Variants in ABLIM1 observed in about 807,000 individuals in gnomAD.
ABLIM1 encodes actin-binding LIM protein 1.
In ABLIM1, 40 loss-of-function variants were observed where a neutral mutation model predicts 107.0. That is an observed-to-expected ratio of 0.37 (90% CI 0.29 to 0.49). The LOEUF is 0.49. ABLIM1 is among the 20% of genes least tolerant of loss of function. The pLI is 0.97. For synonymous variants in ABLIM1, 357 were observed against 357.3 expected, an observed-to-expected ratio of 1.00 and a Z score of 0.01; for missense variants, 857 against 1,008.5, an observed-to-expected ratio of 0.85 and a Z score of 2.04.
At chr10:114,647,355 T>TA (rs1342631235) in intron 1 of ABLIM1, among the ~76,000 whole-genome samples, 1 of 152,026 alleles carries the variant, frequency 6.6e-6, no homozygotes, top group African/African-American at 2.4e-5. Flanking sequence ...CAAGTGAAGA[T>TA]AGAGTCTGTG....
chr10:114,519,909 T>C (rs1212285178), intron 6 of ABLIM1, among the ~76,000 whole-genome samples: 1 of 152,160 alleles, frequency 6.6e-6, no homozygotes, highest in Non-Finnish European at 1.5e-5. Flanking sequence ...CAAACCTGGG[T>C]GAAACTGGAT....
intron 2 of ABLIM1, among the ~76,000 whole-genome samples, chr10:114,585,590 G>A (rs1791687895): frequency 6.6e-6 from 1 of 151,950 alleles, no homozygotes; most frequent in African/African-American, 2.4e-5. Flanking sequence ...GCTCTACTTT[G>A]CCAAATGCTT....
chr10:114,621,852 G>A (rs1333687), intron 1 of ABLIM1, among the ~76,000 whole-genome samples: 2,997 of 152,308 alleles, frequency 0.02, 100 homozygotes, highest in African/African-American at 0.067. Flanking sequence ...GAAGCCCTTC[G>A]CTATGGCTCA....
At chr10:114,607,933 A>G (rs1191475383) in intron 1 of ABLIM1, among the ~76,000 whole-genome samples, 2 of 152,276 alleles carry the variant, frequency 1.3e-5, no homozygotes, top group Non-Finnish European at 2.9e-5. Flanking sequence ...CAGTGTGCCA[A>G]TACGGTCCAG....
chr10:114,649,168 C>T (rs1365257482), intron 1 of ABLIM1, among the ~76,000 whole-genome samples: 3 of 151,898 alleles, frequency 2.0e-5, no homozygotes, highest in African/African-American at 4.8e-5. Flanking sequence ...GAGGCCGAGG[C>T]GGGCAGGTCA....
rs543806607 is a variant in ABLIM1, at chr10:114,456,054, T to C, written c.1442-2571A>G. 7.9e-5 allele frequency among the ~76,000 whole-genome samples: 12 copies of C among 152,242 alleles called. No homozygotes were observed. The South Asian group carries it at 1.9e-3, about 24-fold the overall frequency. On this transcript the variant is annotated intron_variant, in intron 12 of 22. Coordinates refer to ENST00000533213, the MANE Select transcript of ABLIM1 (RefSeq NM_002313.7). ...TGGTCTCAATCTCCTGACCTCGTGA[T>C]CCACCCGCCTCGGCCTCCCAAAGTG...
Position 114,629,031 on chromosome 10 carries a change from C to T in ABLIM1, c.245-27070G>A, listed in dbSNP as rs534548480. On this transcript the variant is annotated intron_variant, in intron 1 of 22. Coordinates refer to ENST00000533213, the MANE Select transcript of ABLIM1 (RefSeq NM_002313.7). This position sits in a 1 kb window ranked among gnomAD's most constrained non-coding sequence, Gnocchi z 4.0. ...ACCCTTGAAGACATAAGAGAAATAA[C>T]CATTTCATCAAGATTCCGGAATCAA... is the stretch of plus-strand genomic sequence containing the variant. Among the ~76,000 whole-genome samples the T allele has an allele frequency of 1.3e-5, 2 of 152,202 alleles. No homozygotes were observed. The highest frequency in any genetic ancestry group is 4.2e-4 in the South Asian group (2 of 4,814).
chr10:114,673,268 A>AAC (rs2080335966), intron 1 of ABLIM1, among the ~76,000 whole-genome samples: 2 of 151,994 alleles, frequency 1.3e-5, no homozygotes, highest in African/African-American at 4.8e-5. Flanking sequence ...AAAAAAAAAA[A>AAC]AACAAAAAAA....
In ABLIM1 at chr10:114,436,141, T is replaced by G. The variant is rs1272913339; in HGVS notation, c.*119A>C. On this transcript the variant is annotated 3_prime_UTR_variant, in exon 23 of 23. Transcript: ENST00000533213. ...GTGTTTTAACCAGACTTTCTCTTTT[T>G]GGTGTTGCTGAGCGACGGTAGTTTG... is the stretch of plus-strand genomic sequence containing the variant. 4.2e-6 allele frequency: 3 copies of G among 706,688 alleles called. No homozygotes were observed. The highest frequency in any genetic ancestry group is 7.2e-6 in the Non-Finnish European group (3 of 415,614). 43.8% of individuals were successfully genotyped at this position (706,688 alleles called of 1,614,324 possible).
chr10:114,441,019 C>T lies in ABLIM1; in HGVS notation c.2057G>A (p.Arg686Gln), dbSNP rs999708160. The T allele has an allele frequency of 8.8e-6, 14 of 1,587,028 alleles. No individual in the cohort carries two copies. Among genetic ancestry groups the T allele is most frequent in the Admixed American group, 3.5e-5 (2 of 56,426 alleles). ...CAGCCTGGCCATGGGAGCCTCACCTCGCACTCCCCCGCTGACATCCCCATA... is the reference window on the plus strand; with the variant it reads ...CAGCCTGGCCATGGGAGCCTCACCTTGCACTCCCCCGCTGACATCCCCATA... ...NSYGDVSGGVRDYQTLPDGHM... is the reference protein window; with the variant it reads ...NSYGDVSGGVQDYQTLPDGHM... The change falls in exon 19 of 23, where the codon CGA becomes CAA. Residue 686 changes from arginine (R) to glutamine (Q), a missense_variant and splice_region_variant. By Grantham distance (43) the Arg-to-Gln change is conservative. This residue lies in a region of ABLIM1 where 193 missense variants were observed against 208.5 expected (regional missense o/e 0.93). Coordinates refer to ENST00000533213, the MANE Select transcript of ABLIM1 (RefSeq NM_002313.7).
At chr10:114,634,129 C>CCTTTTTTT (rs1555212577) in intron 1 of ABLIM1, among the ~76,000 whole-genome samples, 23 of 68,296 alleles carry the variant, frequency 3.4e-4, no homozygotes, top group African/African-American at 1.1e-3. Context: ...CTCAATTTTT[C>CCTTTTTTT]TTTTTTTTTT....
At chr10:114,652,159 C>T (rs1246748082) in intron 1 of ABLIM1, among the ~76,000 whole-genome samples, 3 of 152,178 alleles carry the variant, frequency 2.0e-5, no homozygotes, top group Non-Finnish European at 4.4e-5. Flanking sequence ...CTGACACAGA[C>T]TCTCAATGTT....
At chr10:114,762,686 A>AT (rs1214204178) in intron 1 of ABLIM1, among the ~76,000 whole-genome samples, 4 of 152,052 alleles carry the variant, frequency 2.6e-5, no homozygotes, top group South Asian at 2.1e-4. Context: ...CTGTTCTATG[A>AT]TTTTTTCTCT....
intron 1 of ABLIM1, among the ~76,000 whole-genome samples, chr10:114,751,231 A>G (rs1237986524): frequency 6.6e-6 from 1 of 152,114 alleles, no homozygotes; most frequent in East Asian, 1.9e-4. Flanking sequence ...AGATACTGAC[A>G]TTTTTCTAGT....
chr10:114,571,427 C>A, intron 3 of ABLIM1, 21 bp from the exon 4 acceptor site: 3 of 1,606,170 alleles, frequency 1.9e-6, no homozygotes, highest in Non-Finnish European at 2.6e-6. Context: ...AAAGACATCG[C>A]CCTCAAGGTT....
chr10:114,449,355 A>G (rs2061507902), intron 14 of ABLIM1, among the ~76,000 whole-genome samples: 1 of 152,206 alleles, frequency 6.6e-6, no homozygotes, highest in African/African-American at 2.4e-5. Flanking sequence ...AACCTTTTGA[A>G]TCTTCAGCTC....
intron 6 of ABLIM1, among the ~76,000 whole-genome samples, chr10:114,513,331 G>A (rs559908882): frequency 2.6e-5 from 4 of 152,198 alleles, no homozygotes; most frequent in South Asian, 4.2e-4. Context: ...TCAAATGTCC[G>A]CAAGATATGC....
intron 2 of ABLIM1, among the ~76,000 whole-genome samples, chr10:114,597,014 G>T (rs576963276): frequency 3.9e-5 from 6 of 152,264 alleles, no homozygotes; most frequent in African/African-American, 1.4e-4. Context: ...ACTGGAATGT[G>T]CCTCCTGTGC....
At chr10:114,760,441 CA>C in intron 1 of ABLIM1, among the ~76,000 whole-genome samples, 1 of 125,036 alleles carries the variant, frequency 8.0e-6, no homozygotes, top group South Asian at 2.7e-4. Flanking sequence ...CACACACACA[CA>C]CACACACACA....
Sources: allele counts gnomAD v4.1 joint callset (sites outside exome capture counted in the v4.1 genomes callset), GRCh38; gene constraint gnomAD v4.1.1; regional missense constraint gnomAD v4.1.1; non-coding constraint Gnocchi (gnomAD v3.1); transcripts MANE v1.5; gene names NCBI Gene and HGNC (gene_info 2026-07-23, HGNC 2026-07-21).